GPM6A: variants seen among roughly 807,000 people sequenced by gnomAD.
The protein encoded by GPM6A is glycoprotein M6A, also known as neuronal membrane glycoprotein M6-a.
In GPM6A, 7 loss-of-function variants were observed where a neutral mutation model predicts 32.1. The observed-to-expected ratio is 0.22, with a 90% confidence interval of 0.12 to 0.41. GPM6A has a LOEUF of 0.41. GPM6A is among the 10% of genes least tolerant of loss of function. GPM6A has a pLI of 1.00. For missense variants in GPM6A, 235 were observed against 347.2 expected (o/e 0.68, Z 2.57); for synonymous variants, 130 against 123.4 (o/e 1.05, Z -0.35).
chr4:175,978,928 CA>C (rs1740741725), intron 1 of GPM6A, among the ~76,000 whole-genome samples: 1 of 149,882 alleles, frequency 6.7e-6, no homozygotes, highest in South Asian at 2.1e-4. Context: ...TCTATTTTAT[CA>C]AAGCCCATGT....
chr4:175,707,885 T>A (rs955443596), intron 1 of GPM6A, among the ~76,000 whole-genome samples: 1 of 151,648 alleles, frequency 6.6e-6, no homozygotes, highest in African/African-American at 2.4e-5. Flanking sequence ...GGTAAAATAA[T>A]TTTTTTTCTT....
intron 1 of GPM6A, among the ~76,000 whole-genome samples, chr4:175,742,935 C>CCAGGGATT (rs1230112539): frequency 6.6e-6 from 1 of 151,932 alleles, no homozygotes; most frequent in African/African-American, 2.4e-5. Context: ...TAACTTGAGA[C>CCAGGGATT]CAGGGATTTG....
chr4:175,960,715 T>C (rs950293325), intron 1 of GPM6A: 1 of 152,216 alleles, frequency 6.6e-6, no homozygotes, highest in Non-Finnish European at 1.5e-5. Context: ...TCCCACATAC[T>C]AGCTTCTGAC....
At chr4:175,882,061 TTTAGA>T (rs1386322458) in intron 1 of GPM6A, among the ~76,000 whole-genome samples, 4 of 152,156 alleles carry the variant, frequency 2.6e-5, no homozygotes, top group South Asian at 2.1e-4. Flanking sequence ...CATATAATTG[TTTAGA>T]TTAATTATTT....
intron 6 of GPM6A, among the ~76,000 whole-genome samples, chr4:175,636,275 TATATATATATATATATATATATAC>T (rs901415465): frequency 8.1e-6 from 1 of 123,058 alleles, no homozygotes; most frequent in Admixed American, 8.7e-5. Context: ...TATATATATA[TATATATATATATATATATATATAC>T]ATATATATAT....
chr4:175,716,505 A>T (rs1745851569), intron 1 of GPM6A, among the ~76,000 whole-genome samples: 1 of 152,162 alleles, frequency 6.6e-6, no homozygotes, highest in African/African-American at 2.4e-5. Flanking sequence ...TGCACATCAT[A>T]CAATAGAATG....
chr4:175,775,772 T>A (rs923929314), intron 1 of GPM6A, among the ~76,000 whole-genome samples: 1 of 152,082 alleles, frequency 6.6e-6, no homozygotes, highest in Non-Finnish European at 1.5e-5. Flanking sequence ...CCAAAAATAG[T>A]CTACTCTTTT....
intron 1 of GPM6A, among the ~76,000 whole-genome samples, chr4:175,995,157 T>C (rs1741264324): frequency 6.6e-6 from 1 of 152,104 alleles, no homozygotes; most frequent in South Asian, 2.1e-4. Context: ...AATCAATCTA[T>C]TCCAAACTCC....
chr4:175,746,642 C>T (rs1193184966), intron 1 of GPM6A, among the ~76,000 whole-genome samples: 1 of 152,054 alleles, frequency 6.6e-6, no homozygotes, highest in Non-Finnish European at 1.5e-5. Context: ...GAGAATGGAT[C>T]ATTTTTGTCC....
intron 1 of GPM6A, among the ~76,000 whole-genome samples, chr4:175,711,803 T>A (rs1407170799): frequency 6.6e-6 from 1 of 151,984 alleles, no homozygotes; most frequent in Non-Finnish European, 1.5e-5. Flanking sequence ...TTAGCAGGAC[T>A]CCATCTCACT....
intron 6 of GPM6A, among the ~76,000 whole-genome samples, chr4:175,639,329 A>C (rs1741000131): frequency 6.6e-6 from 1 of 152,172 alleles, no homozygotes; most frequent in African/African-American, 2.4e-5. Flanking sequence ...CATTAGATAG[A>C]TATTGGCACC....
chr4:175,936,306 C>CAAAAAAAAAAAAAAAAA (rs35653197), intron 1 of GPM6A, among the ~76,000 whole-genome samples: 1 of 45,602 alleles, frequency 2.2e-5, no homozygotes, highest in Non-Finnish European at 3.7e-5. Context: ...ACTCTGTCTC[C>CAAAAAAAAAAAAAAAAA]AAAAAAAAAA....
At chr4:175,897,118 T>G (rs73011939) in intron 1 of GPM6A, among the ~76,000 whole-genome samples, 1 of 152,140 alleles carries the variant, frequency 6.6e-6, no homozygotes, top group African/African-American at 2.4e-5. Context: ...AGAAGCCACA[T>G]AGAAGACAGG....
intron 1 of GPM6A, among the ~76,000 whole-genome samples, chr4:175,735,726 A>AT (rs1560904411): frequency 1.3e-5 from 2 of 151,880 alleles, no homozygotes; most frequent in South Asian, 2.1e-4. Context: ...CGCCCAGCTA[A>AT]TTTTTTTGTA....
intron 2 of GPM6A, among the ~76,000 whole-genome samples, chr4:175,700,778 C>G (rs1744835392): frequency 6.6e-6 from 1 of 152,054 alleles, no homozygotes; most frequent in African/African-American, 2.4e-5. Flanking sequence ...TACAAACAAA[C>G]TAATAAATTA....
intron 1 of GPM6A, among the ~76,000 whole-genome samples, chr4:175,924,989 A>C (rs1738787512): frequency 6.6e-6 from 1 of 152,192 alleles, no homozygotes; most frequent in Non-Finnish European, 1.5e-5. Flanking sequence ...TCTTAAGTTC[A>C]TGTTTAATGA....
At chr4:175,757,778 G>T (rs1343294951) in intron 1 of GPM6A, among the ~76,000 whole-genome samples, 1 of 152,106 alleles carries the variant, frequency 6.6e-6, no homozygotes, top group East Asian at 1.9e-4. Flanking sequence ...ACCAAAGAGA[G>T]GGAGCAGCCC....
rs35653197 is a variant in GPM6A at position 175,936,306 on chromosome 4, C to CA, written c.-23+66002dup. 2.7e-3 allele frequency among the ~76,000 whole-genome samples: 121 copies of CA among 45,600 alleles called. 13 individuals are homozygous for CA. The highest frequency in any genetic ancestry group is 5.3e-3 in the East Asian group (6 of 1,142). The allele number at this position is 45,600 out of a possible 152,430, so 29.9% of individuals were successfully genotyped here. On this transcript the variant is annotated intron_variant, in intron 1 of 7. Transcript: ENST00000280187. The stretch of plus-strand genomic sequence containing the variant: ...GGGCGACACAGCGAGACTCTGTCTC[C>CA]AAAAAAAAAAAAAAAAAAAAAAAAA...
chr4:175,931,021 T>C (rs555256819), intron 1 of GPM6A, among the ~76,000 whole-genome samples: 1 of 152,274 alleles, frequency 6.6e-6, no homozygotes, highest in East Asian at 1.9e-4. Context: ...AAATCATATC[T>C]AATTTTAAAA....
Sources: gnomAD v4.1 joint callset for allele counts (sites outside exome capture counted in the v4.1 genomes callset) on GRCh38, gnomAD v4.1.1 for gene constraint, MANE v1.5 for transcripts, NCBI Gene and HGNC (gene_info 2026-07-23, HGNC 2026-07-21) for gene names.